The following BTF3L4 variants were observed in gnomAD, a reference collection of about 807,000 sequenced individuals.
BTF3L4 encodes basic transcription factor 3 like 4, also known as transcription factor BTF3 homolog 4.
Under a neutral mutation model 16.8 loss-of-function variants are expected in BTF3L4, and 6 were observed. That is an observed-to-expected ratio of 0.36 (90% CI 0.20 to 0.71). The LOEUF is 0.71. BTF3L4 is among the 30% of genes least tolerant of loss of function. The probability of loss-of-function intolerance (pLI) is 0.58; values close to 1 mark genes in which losing one functional copy is unlikely to be tolerated. For missense variants in BTF3L4, 92 were observed against 186.9 expected (o/e 0.49, Z 2.96); for synonymous variants, 39 against 59.8 (o/e 0.65, Z 1.60).
At chr1:52,073,989 T>C (rs1028605545) in intron 3 of BTF3L4, among the ~76,000 whole-genome samples, 1 of 151,440 alleles carries the variant, frequency 6.6e-6, no homozygotes, top group Non-Finnish European at 1.5e-5. Flanking sequence ...AAAGCAAGAC[T>C]CCATCTCAAA....
intron 3 of BTF3L4, among the ~76,000 whole-genome samples, chr1:52,070,855 C>CA (rs1317306719): frequency 6.6e-6 from 1 of 151,924 alleles, no homozygotes; most frequent in African/African-American, 2.4e-5. Context: ...AGGCTCGTCT[C>CA]AAACTCCTGA....
At position 52,088,274 on chromosome 1, in the gene BTF3L4, G is replaced by C. The variant is rs912643076; in HGVS notation, c.*1516G>C. The C allele has an allele frequency of 6.6e-6, 1 of 152,440 alleles. No individual in the cohort carries two copies. The highest frequency in any genetic ancestry group is 1.5e-5 in the Non-Finnish European group (1 of 67,992). 9.4% of individuals were successfully genotyped at this position (152,440 alleles called of 1,614,324 possible). A position where few individuals can be genotyped will look rare whatever the true frequency, so the allele number is the denominator to read the frequency against. The stretch of plus-strand genomic sequence containing the variant: ...AGAGATCTGTAGACATGAAGGCAAA[G>C]CTCTTGTATTTTTTTTCATCCAAAC... On this transcript the variant is annotated 3_prime_UTR_variant, in exon 6 of 6. Transcript: ENST00000313334.
chr1:52,061,482 C>T (rs556432378), intron 2 of BTF3L4, among the ~76,000 whole-genome samples: 83 of 130,148 alleles, frequency 6.4e-4, no homozygotes, highest in African/African-American at 2.0e-3. Flanking sequence ...AGCAAGACTC[C>T]GTCTCAAAAA....
At position 52,090,250 on chromosome 1, in the gene BTF3L4, A is replaced by G. The variant is rs1399632758; in HGVS notation, c.*3492A>G. The G allele has an allele frequency of 7.2e-5, 11 of 152,208 alleles. No homozygotes were observed. Among genetic ancestry groups the G allele is most frequent in the Non-Finnish European group, 1.0e-4 (7 of 68,042 alleles). The allele number at this position is 152,208 out of a possible 1,614,324, so 9.4% of individuals were successfully genotyped here. On this transcript the variant is annotated 3_prime_UTR_variant, in exon 6 of 6. Transcript: ENST00000313334. ...CAGTTTTATCTATAAAATGGTACCT[A>G]GAAGAGTCATGATTTCTTAGAATCC...
chr1:52,083,462 G>T lies in BTF3L4; in HGVS notation c.291G>T (p.Met97Ile). 6.2e-7 allele frequency: 1 copy of T among 1,612,960 alleles called. No individual in the cohort carries two copies. Among genetic ancestry groups the T allele is most frequent in the South Asian group, 1.1e-5 (1 of 91,058 alleles). The change falls in exon 4 of 6, where the codon ATG becomes ATT. Residue 97 changes from methionine (M) to isoleucine (I), a missense_variant. Met to Ile is a conservative substitution (Grantham distance 10). Transcript: ENST00000313334. The stretch of plus-strand genomic sequence containing the variant: ...CAGAAGCCAAACCAATCACAGAAAT[G>T]CTTCCTGGAATATTAAGTCAGCTTG... ...GHAEAKPITE[M>I]LPGILSQLGA...
Position 52,065,100 on chromosome 1 carries a change from G to A in BTF3L4, c.168+162G>A. 6 of 403,706 alleles carry A rather than the reference G, an allele frequency of 1.5e-5. No individual in the cohort carries two copies. In the South Asian group the frequency reaches 1.9e-4, roughly 13 times the overall value. 25.0% of individuals were successfully genotyped at this position (403,706 alleles called of 1,614,324 possible). A position where few individuals can be genotyped will look rare whatever the true frequency, so the allele number is the denominator to read the frequency against. ...TGATTTTTGTATGAAATTAAATGATGGTCAAAAAAATAATTTTAGTAGACA... is the reference window on the plus strand; with the variant it reads ...TGATTTTTGTATGAAATTAAATGATAGTCAAAAAAATAATTTTAGTAGACA... On this transcript the variant is annotated intron_variant, in intron 3 of 5. Transcript: ENST00000313334.
intron 3 of BTF3L4, among the ~76,000 whole-genome samples, chr1:52,074,637 C>T (rs572949825): frequency 6.6e-6 from 1 of 151,910 alleles, no homozygotes; most frequent in African/African-American, 2.4e-5. Flanking sequence ...GCTAGGATTA[C>T]AGGTGTAAGC....
intron 4 of BTF3L4, among the ~76,000 whole-genome samples, chr1:52,084,904 T>C (rs7530574): frequency 0.029 from 4,433 of 151,854 alleles, 141 homozygotes; most frequent in African/African-American, 0.083. Flanking sequence ...TCCAAGATAG[T>C]CCTGGTTTCA....
chr1:52,082,188 T>C (rs1643930350), intron 3 of BTF3L4, among the ~76,000 whole-genome samples: 1 of 152,122 alleles, frequency 6.6e-6, no homozygotes, highest in South Asian at 2.1e-4. Context: ...AAACATGAAG[T>C]ACATGAGTGA....
In BTF3L4 at chr1:52,086,740, A is replaced by G. The variant is rs746441689; in HGVS notation, c.459A>G (p.Ser153=). ...PDLVENFDEA[S]KNEAN is the part of the protein sequence containing the mutation. ...TTGTAGAAAATTTTGATGAGGCATCAAAGAATGAAGCTAACTAAAAGTTTG... is the reference window on the plus strand; with the variant it reads ...TTGTAGAAAATTTTGATGAGGCATCGAAGAATGAAGCTAACTAAAAGTTTG... The change falls in exon 6 of 6, where the codon TCA becomes TCG. Residue 153 remains serine (S), a synonymous_variant. Transcript: ENST00000313334. The G allele has an allele frequency of 7.5e-6, 12 of 1,600,770 alleles. No individual in the cohort carries two copies. Among genetic ancestry groups the G allele is most frequent in the African/African-American group, 1.3e-5 (1 of 74,472 alleles).
At chr1:52,061,926 G>C (rs1686521422) in intron 2 of BTF3L4, among the ~76,000 whole-genome samples, 1 of 150,572 alleles carries the variant, frequency 6.6e-6, no homozygotes, top group Non-Finnish European at 1.5e-5. Flanking sequence ...ACAGGCGTGA[G>C]CCACCGTGCC....
intron 2 of BTF3L4, among the ~76,000 whole-genome samples, chr1:52,061,194 T>C (rs1375166740): frequency 2.0e-5 from 3 of 152,112 alleles, no homozygotes; most frequent in African/African-American, 7.2e-5. Context: ...GAAAAGGTAA[T>C]GGCTGGCAGA....
At chr1:52,071,889 C>T (rs1686794639) in intron 3 of BTF3L4, among the ~76,000 whole-genome samples, 1 of 151,144 alleles carries the variant, frequency 6.6e-6, no homozygotes, top group South Asian at 2.1e-4. Context: ...TTCTTTCTCT[C>T]TTAGGGTCCT....
chr1:52,078,564 C>G (rs770442475), intron 3 of BTF3L4, among the ~76,000 whole-genome samples: 24 of 142,030 alleles, frequency 1.7e-4, no homozygotes, highest in Non-Finnish European at 2.1e-4. Context: ...GCAGTAAGTG[C>G]ATAAACCACC....
chr1:52,072,257 T>C (rs888622612), intron 3 of BTF3L4, among the ~76,000 whole-genome samples: 7 of 152,024 alleles, frequency 4.6e-5, no homozygotes, highest in African/African-American at 1.7e-4. Context: ...GGTTTCACCA[T>C]GTTAGCCAGG....
At chr1:52,076,515 CGCAGTGAGCCGGAGGTT>C (rs1232005064) in intron 3 of BTF3L4, among the ~76,000 whole-genome samples, 18 of 148,074 alleles carry the variant, frequency 1.2e-4, no homozygotes, top group Non-Finnish European at 2.4e-4. Context: ...AGGCGGAGGT[CGCAGTGAGCCGGAGGTT>C]GCAGTGAGCC....
At chr1:52,073,589 A>AT (rs1686854073) in intron 3 of BTF3L4, among the ~76,000 whole-genome samples, 1 of 145,580 alleles carries the variant, frequency 6.9e-6, no homozygotes. Context: ...GCAATGACTC[A>AT]TGCCTGTAAT....
chr1:52,082,738 C>CAA (rs35173948), intron 3 of BTF3L4, among the ~76,000 whole-genome samples: 1 of 140,982 alleles, frequency 7.1e-6, no homozygotes, highest in East Asian at 2.1e-4. Context: ...GATTCTGTCT[C>CAA]AAAAAAAAAA....
chr1:52,074,357 C>T (rs1686875608), intron 3 of BTF3L4, among the ~76,000 whole-genome samples: 1 of 151,058 alleles, frequency 6.6e-6, no homozygotes, highest in African/African-American at 2.4e-5. Context: ...TGTGCCACCA[C>T]AACCAGCTAA....
Sources: gnomAD v4.1 joint callset for allele counts (sites outside exome capture counted in the v4.1 genomes callset) on GRCh38, gnomAD v4.1.1 for gene constraint, MANE v1.5 for transcripts, NCBI Gene and HGNC (gene_info 2026-07-23, HGNC 2026-07-21) for gene names.